CC2D2B: variants seen among roughly 807,000 people sequenced by gnomAD.
CC2D2B encodes protein CC2D2B.
CC2D2B carries 128 observed loss-of-function variants against 161.2 expected under a neutral mutation model. The observed-to-expected ratio is 0.79, with a 90% CI of 0.69 to 0.92. The LOEUF (loss-of-function observed/expected upper bound fraction) is 0.92. Ranked by LOEUF, CC2D2B falls within the 40% of genes least tolerant of loss-of-function variation. The pLI is 0.00. For synonymous variants in CC2D2B, 391 were observed against 449.8 expected (o/e 0.87, Z 1.65); for missense variants, 1,173 against 1,375.1 (o/e 0.85, Z 2.32).
intron 20 of CC2D2B, among the ~76,000 whole-genome samples, chr10:95,990,505 AAG>A (rs572957357): frequency 2.4e-4 from 37 of 152,204 alleles, no homozygotes; most frequent in Non-Finnish European, 3.5e-4. Flanking sequence ...AAAGTGGGAG[AAG>A]AGAGAGAGTG....
intron 33 of CC2D2B, among the ~76,000 whole-genome samples, chr10:96,025,191 A>AT (rs1564684415): frequency 3.9e-4 from 20 of 50,740 alleles, no homozygotes; most frequent in Non-Finnish European, 6.0e-4. Context: ...ATATAAAAAA[A>AT]AATATATATA....
intron 16 of CC2D2B, 90 bp from the exon 17 acceptor site, chr10:95,973,919 G>T: frequency 7.4e-6 from 4 of 539,088 alleles, no homozygotes; most frequent in Non-Finnish European, 1.1e-5. Flanking sequence ...TGTTCCTAGA[G>T]TTCCACAAGT....
intron 2 of CC2D2B, among the ~76,000 whole-genome samples, chr10:95,918,368 G>A (rs112377493): frequency 1.6e-4 from 24 of 152,158 alleles, no homozygotes; most frequent in African/African-American, 4.8e-4. Flanking sequence ...CATCTTTGAC[G>A]ATATTTTCAC....
chr10:95,966,145 C>G (rs115516650), intron 13 of CC2D2B, 45 bp from the exon 14 acceptor site: 14,752 of 768,760 alleles, frequency 0.019, 177 homozygotes, highest in Middle Eastern at 0.026. Flanking sequence ...ATGTCCTACA[C>G]AGGGATGTAC....
chr10:95,968,005 T>C (rs2077000754), intron 14 of CC2D2B, among the ~76,000 whole-genome samples: 6 of 152,198 alleles, frequency 3.9e-5, no homozygotes, highest in Admixed American at 3.9e-4. Context: ...TAGGAAAATA[T>C]TCAATAAACA....
intron 22 of CC2D2B, among the ~76,000 whole-genome samples, chr10:95,993,834 G>GTA (rs369610013): frequency 0.14 from 15,447 of 109,732 alleles, 1,475 homozygotes; most frequent in Non-Finnish European, 0.2. Flanking sequence ...TATAAAGAGT[G>GTA]TATATATATA....
intron 19 of CC2D2B, among the ~76,000 whole-genome samples, chr10:95,987,572 A>G (rs2077781482): frequency 6.6e-6 from 1 of 152,214 alleles, no homozygotes; most frequent in African/African-American, 2.4e-5. Flanking sequence ...TTGGGGATAT[A>G]TAATACTGAA....
intron 34 of CC2D2B, among the ~76,000 whole-genome samples, chr10:96,029,274 A>ATATGTATATATATGTATATC (rs1554854771): frequency 1.5e-5 from 1 of 65,246 alleles, no homozygotes; most frequent in Non-Finnish European, 2.9e-5. Flanking sequence ...ATATATATAT[A>ATATGTATATATATGTATATC]TATATATATA....
chr10:95,929,151 T>A (rs533837325), intron 6 of CC2D2B, among the ~76,000 whole-genome samples: 1 of 152,364 alleles, frequency 6.6e-6, no homozygotes, highest in South Asian at 2.1e-4. Context: ...TAATGACCAG[T>A]GATGGTGAGC....
At chr10:95,945,159 C>A (rs1292733442) in intron 9 of CC2D2B, among the ~76,000 whole-genome samples, 2 of 152,138 alleles carry the variant, frequency 1.3e-5, no homozygotes, top group Admixed American at 6.5e-5. Flanking sequence ...GAATAAATTT[C>A]TTTTCTTTAT....
intron 32 of CC2D2B, chr10:96,021,408 G>T (rs2079452442): frequency 6.6e-6 from 1 of 152,218 alleles, no homozygotes; most frequent in Non-Finnish European, 1.5e-5. Context: ...AGTAAAAGAT[G>T]AATGAACTGA....
intron 14 of CC2D2B, 66 bp downstream of exon 14, chr10:95,966,368 T>C (rs1165900558): frequency 3.3e-6 from 2 of 600,936 alleles, no homozygotes; most frequent in Non-Finnish European, 4.8e-6. Context: ...TTTTTAATAA[T>C]AAAGTGGGAT....
chr10:95,959,243 G>A (rs539468021), intron 11 of CC2D2B, among the ~76,000 whole-genome samples: 12 of 152,240 alleles, frequency 7.9e-5, no homozygotes, highest in African/African-American at 2.4e-4. Context: ...TTTCTAGAAC[G>A]TTTAAAGCAG....
At chr10:96,029,286 G>GCA (rs2079950616) in intron 34 of CC2D2B, among the ~76,000 whole-genome samples, 1 of 70,640 alleles carries the variant, frequency 1.4e-5, no homozygotes, top group Non-Finnish European at 3.0e-5. Context: ...ATATATATAT[G>GCA]TATATATATA....
chr10:95,982,810 T>C (rs972285079), intron 18 of CC2D2B, among the ~76,000 whole-genome samples: 10 of 152,228 alleles, frequency 6.6e-5, no homozygotes, highest in African/African-American at 2.2e-4. Flanking sequence ...TCTCGTTCTG[T>C]TGCCAGGCTG....
At chr10:95,915,708 T>C (rs541415003) in intron 2 of CC2D2B, among the ~76,000 whole-genome samples, 1 of 152,338 alleles carries the variant, frequency 6.6e-6, no homozygotes, top group Admixed American at 6.5e-5. Context: ...TCACATTGAT[T>C]GATTTGTGTA....
At chr10:96,001,528 T>C (rs575080210) in intron 24 of CC2D2B, among the ~76,000 whole-genome samples, 1 of 152,324 alleles carries the variant, frequency 6.6e-6, no homozygotes, top group African/African-American at 2.4e-5. Flanking sequence ...ATCACTTGCA[T>C]ATATGTGATG....
At chr10:95,966,695 A>G (rs2076952171) in intron 14 of CC2D2B, among the ~76,000 whole-genome samples, 1 of 152,118 alleles carries the variant, frequency 6.6e-6, no homozygotes, top group South Asian at 2.1e-4. Context: ...ATATAAAGGC[A>G]CTGTAAAAAG....
intron 16 of CC2D2B, among the ~76,000 whole-genome samples, chr10:95,973,451 A>G (rs1019358589): frequency 1.3e-5 from 2 of 152,176 alleles, no homozygotes; most frequent in Non-Finnish European, 2.9e-5. Context: ...GCCTCCAGGC[A>G]TGAAAGGAAG....
Sources: gnomAD v4.1 joint callset for allele counts (sites outside exome capture counted in the v4.1 genomes callset) on GRCh38, gnomAD v4.1.1 for gene constraint, MANE v1.5 for transcripts, NCBI Gene and HGNC (gene_info 2026-07-23, HGNC 2026-07-21) for gene names.